Variants in CENPK observed in about 807,000 individuals in gnomAD.
The protein encoded by CENPK is centromere protein K, also known as SoxLZ/Sox6-binding protein Solt.
CENPK carries 46 observed loss-of-function variants against 40.9 expected under a neutral mutation model. The observed-to-expected ratio is 1.13, with a 90% CI of 0.89 to 1.44. The LOEUF (loss-of-function observed/expected upper bound fraction) is 1.44. CENPK is among the 40% of genes most tolerant of loss of function. CENPK has a pLI of 0.00. For missense variants in CENPK, 288 were observed against 303.5 expected (o/e 0.95, Z 0.38); for synonymous variants, 107 against 104.4 (o/e 1.02, Z -0.15).
chr5:65,524,312 G>A (rs1195458100), intron 9 of CENPK, among the ~76,000 whole-genome samples: 2 of 151,514 alleles, frequency 1.3e-5, no homozygotes, highest in Admixed American at 1.3e-4. Context: ...GTGAACCCGG[G>A]AGGTGGAGCT....
intron 5 of CENPK, among the ~76,000 whole-genome samples, chr5:65,543,119 A>G (rs963045570): frequency 1.3e-5 from 2 of 152,186 alleles, no homozygotes; most frequent in Middle Eastern, 3.4e-3. Context: ...ATCCACCAAC[A>G]TGCCTGGCTA....
At chr5:65,498,048 G>T in the CENPK span, among the ~76,000 whole-genome samples, 2 of 152,094 alleles carry the variant, frequency 1.3e-5, no homozygotes, top group African/African-American at 4.8e-5. Flanking sequence ...TTCTTATACT[G>T]TATGTATAAT....
At chr5:65,505,778 C>A in the CENPK span, among the ~76,000 whole-genome samples, 1 of 152,242 alleles carries the variant, frequency 6.6e-6, no homozygotes, top group South Asian at 2.1e-4. Context: ...TCAGCTATAA[C>A]CTATTCAGAT....
In CENPK at chr5:65,558,151, AAC is replaced by A. The variant is rs113174953; in HGVS notation, c.-39-3207_-39-3206del. Among the ~76,000 whole-genome samples, 219 of 151,944 alleles carry A rather than the reference AAC, an allele frequency of 1.4e-3. 1 individual carries two copies. The highest frequency in any genetic ancestry group is 5.2e-3 in the African/African-American group (217 of 41,376). ...AAACAAACAAAACAAACAAAAAGAA[AAC>A]ACACACACACACATTTTTTTTTCTT... On this transcript the variant is annotated intron_variant, in intron 2 of 10. Coordinates refer to ENST00000396679, the MANE Select transcript of CENPK (RefSeq NM_022145.5).
chr5:65,536,641 T>A (rs535318082), intron 6 of CENPK, among the ~76,000 whole-genome samples: 1 of 127,786 alleles, frequency 7.8e-6, no homozygotes, highest in African/African-American at 2.9e-5. Context: ...AATATATATA[T>A]ATGTAGGGAT....
rs1359976795 is a variant in CENPK at position 65,563,168 on chromosome 5, C to A, written c.-212G>T. 5 of 1,111,124 alleles carry A rather than the reference C, an allele frequency of 4.5e-6. No individual in the cohort carries two copies. Among genetic ancestry groups the A allele is most frequent in the Non-Finnish European group, 5.0e-6 (4 of 792,548 alleles). 68.8% of individuals were successfully genotyped at this position (1,111,124 alleles called of 1,614,324 possible). A position where few individuals can be genotyped will look rare whatever the true frequency, so the allele number is the denominator to read the frequency against. On this transcript the variant is annotated 5_prime_UTR_variant, in exon 1 of 11. Transcript: ENST00000396679. ...AGCGCTTGCCAGCCCCGGACTTCTG[C>A]GCGCGCTGCATGCCCATTGGATGTG...
At chr5:65,544,981 T>G (rs916190520) in intron 5 of CENPK, among the ~76,000 whole-genome samples, 1 of 152,166 alleles carries the variant, frequency 6.6e-6, no homozygotes, top group Non-Finnish European at 1.5e-5. Context: ...AACACTACTG[T>G]GAACTATACA....
At chr5:65,495,718 G>A in the CENPK span, among the ~76,000 whole-genome samples, 97 of 151,954 alleles carry the variant, frequency 6.4e-4, no homozygotes, top group Non-Finnish European at 1.1e-3. Context: ...CTAGAATAAC[G>A]ATCAAGGAAA....
At chr5:65,515,844 C>T (rs1243869984), downstream of CENPK, among the ~76,000 whole-genome samples, 1 of 152,182 alleles carries the variant, frequency 6.6e-6, no homozygotes, top group Non-Finnish European at 1.5e-5. Flanking sequence ...ATCTAGGCTA[C>T]CCTAACAAAA....
At chr5:65,517,453 C>T (rs1290019982), downstream of CENPK, among the ~76,000 whole-genome samples, 3 of 152,042 alleles carry the variant, frequency 2.0e-5, no homozygotes, top group African/African-American at 7.2e-5. Context: ...TTATCCTCCC[C>T]TAAAAGAGTT....
chr5:65,555,557 A>AACTCTGGT (rs1193632189), intron 2 of CENPK, among the ~76,000 whole-genome samples: 9 of 152,250 alleles, frequency 5.9e-5, no homozygotes, highest in Non-Finnish European at 1.2e-4. Context: ...TTAACAATAC[A>AACTCTGGT]ACTCTGGTTA....
chr5:65,495,721 C>T, the CENPK span, among the ~76,000 whole-genome samples: 1 of 151,644 alleles, frequency 6.6e-6, no homozygotes, highest in South Asian at 2.1e-4. Context: ...GAATAACGAT[C>T]AAGGAAACAA....
intron 3 of CENPK, among the ~76,000 whole-genome samples, chr5:65,553,110 A>C (rs769768688): frequency 3.3e-5 from 5 of 152,132 alleles, no homozygotes; most frequent in Non-Finnish European, 5.9e-5. Context: ...CAAAAAATAA[A>C]AAGGTGGGGG....
At chr5:65,498,725 A>G in the CENPK span, among the ~76,000 whole-genome samples, 1 of 147,628 alleles carries the variant, frequency 6.8e-6, no homozygotes, top group Non-Finnish European at 1.5e-5. Flanking sequence ...GGCATTGATC[A>G]TGGCTCACAA....
intron 6 of CENPK, among the ~76,000 whole-genome samples, chr5:65,539,814 C>T (rs1747634296): frequency 6.6e-6 from 1 of 152,244 alleles, no homozygotes. Flanking sequence ...CCCTGGCTTG[C>T]ACTTTCTGCA....
At chr5:65,529,319 C>T (rs750342727) in intron 6 of CENPK, 120 bp from the exon 7 acceptor site, 5 of 648,838 alleles carry the variant, frequency 7.7e-6, no homozygotes, top group East Asian at 5.6e-5. Context: ...AGTGAAAAAG[C>T]CTAGCAGAAA....
intron 2 of CENPK, among the ~76,000 whole-genome samples, chr5:65,557,799 A>C (rs1295622937): frequency 2.0e-5 from 3 of 152,252 alleles, no homozygotes; most frequent in Non-Finnish European, 1.5e-5. Flanking sequence ...ATTTTCTTGG[A>C]GTAAACATAC....
At chr5:65,547,027 T>A (rs1165424556) in intron 5 of CENPK, among the ~76,000 whole-genome samples, 1 of 152,120 alleles carries the variant, frequency 6.6e-6, no homozygotes, top group Admixed American at 6.5e-5. Flanking sequence ...ATTACAGATA[T>A]AACACATAAA....
At chr5:65,526,453 TA>T (rs1311915334) in intron 9 of CENPK, among the ~76,000 whole-genome samples, 1 of 152,024 alleles carries the variant, frequency 6.6e-6, no homozygotes, top group East Asian at 1.9e-4. Flanking sequence ...ACACAGATAG[TA>T]AAAACAAAAA....
Sources: gnomAD v4.1 joint callset for allele counts (sites outside exome capture counted in the v4.1 genomes callset) on GRCh38, gnomAD v4.1.1 for gene constraint, MANE v1.5 for transcripts, NCBI Gene and HGNC (gene_info 2026-07-23, HGNC 2026-07-21) for gene names.